The following RGS6 variants were observed in gnomAD, a reference collection of about 807,000 sequenced individuals.
The protein encoded by RGS6 is regulator of G-protein signaling 6.
Under a neutral mutation model 78.5 loss-of-function variants are expected in RGS6, and 30 were observed. The observed-to-expected ratio is 0.38, with a 90% CI of 0.29 to 0.52. RGS6 has a LOEUF of 0.52. Ranked by LOEUF, RGS6 falls within the 20% of genes least tolerant of loss-of-function variation. The probability of loss-of-function intolerance (pLI) is 0.85; values close to 1 mark genes in which losing one functional copy is unlikely to be tolerated. For missense variants in RGS6, 495 were observed against 609.7 expected, an observed-to-expected ratio of 0.81 and a Z score of 1.98; for synonymous variants, 206 against 206.0, an observed-to-expected ratio of 1.00 and a Z score of 0.00.
intron 2 of RGS6, among the ~76,000 whole-genome samples, chr14:72,196,479 G>A (rs2040186240): frequency 6.6e-6 from 1 of 152,154 alleles, no homozygotes; most frequent in Non-Finnish European, 1.5e-5. Context: ...TGGGGACCTA[G>A]AATCACTGCT....
chr14:71,992,794 G>A (rs1372454378), intron 2 of RGS6, among the ~76,000 whole-genome samples: 1 of 152,162 alleles, frequency 6.6e-6, no homozygotes, highest in Non-Finnish European at 1.5e-5. Context: ...GCAGGGCTGT[G>A]TTTCTACACC....
At chr14:72,147,050 C>A (rs1365991381) in intron 2 of RGS6, among the ~76,000 whole-genome samples, 1 of 152,170 alleles carries the variant, frequency 6.6e-6, no homozygotes, top group African/African-American at 2.4e-5. Context: ...TCAGGATGGC[C>A]ATTACTGTCC....
the RGS6 span, among the ~76,000 whole-genome samples, chr14:71,874,772 T>C: frequency 6.6e-6 from 1 of 152,214 alleles, no homozygotes; most frequent in East Asian, 1.9e-4. Flanking sequence ...TGATATTGGC[T>C]GTGGGTTTGT....
chr14:71,890,724 A>C, the RGS6 span, among the ~76,000 whole-genome samples: 1 of 152,302 alleles, frequency 6.6e-6, no homozygotes, highest in East Asian at 1.9e-4. Flanking sequence ...GCTGCTACCC[A>C]CACATCGCAT....
chr14:72,406,644 T>C (rs772983724), intron 3 of RGS6, among the ~76,000 whole-genome samples: 2 of 152,246 alleles, frequency 1.3e-5, no homozygotes, highest in Non-Finnish European at 2.9e-5. Context: ...GCTCCCTTTA[T>C]AGAGCTGGAG....
intron 10 of RGS6, 87 bp downstream of exon 10, chr14:72,474,786 A>G: frequency 9.5e-7 from 1 of 1,050,292 alleles, no homozygotes; most frequent in South Asian, 1.5e-5. Context: ...TGCTACTTGT[A>G]ATTCTACCAC....
chr14:72,229,472 C>A (rs1381141778), intron 2 of RGS6, among the ~76,000 whole-genome samples: 3 of 152,082 alleles, frequency 2.0e-5, no homozygotes, highest in Admixed American at 2.0e-4. Flanking sequence ...CTACATGTAC[C>A]CTCCATGTCC....
At chr14:72,382,955 G>A (rs1273272827) in intron 3 of RGS6, among the ~76,000 whole-genome samples, 1 of 151,870 alleles carries the variant, frequency 6.6e-6, no homozygotes, top group East Asian at 1.9e-4. Context: ...GGGGAAAGTA[G>A]ACAACAAGAA....
intron 2 of RGS6, chr14:72,022,535 C>T (rs1270757953): frequency 1.3e-5 from 2 of 152,110 alleles, no homozygotes; most frequent in African/African-American, 4.8e-5. Context: ...AATTATGATT[C>T]CCATTTTGCA....
Position 72,235,863 on chromosome 14 carries a change from G to A in RGS6, c.85-116232G>A, listed in dbSNP as rs534801237. 2.6e-5 allele frequency among the ~76,000 whole-genome samples: 4 copies of A among 152,322 alleles called. No homozygotes were observed. In the South Asian group the frequency reaches 8.3e-4, roughly 32 times the overall value. ...TAGAAATACATAAATTCTAGAAATT[G>A]TCTTGCATTTATTGTATTAGAAAGT... On this transcript the variant is annotated intron_variant, in intron 2 of 17. Coordinates refer to ENST00000553525, the MANE Select transcript of RGS6 (RefSeq NM_001204424.2).
intron 3 of RGS6, among the ~76,000 whole-genome samples, chr14:72,387,667 C>G (rs2088650918): frequency 6.6e-6 from 1 of 152,134 alleles, no homozygotes; most frequent in Non-Finnish European, 1.5e-5. Flanking sequence ...TATGACATCC[C>G]TTTCTATTCT....
intron 3 of RGS6, among the ~76,000 whole-genome samples, chr14:72,405,340 A>G (rs1400176408): frequency 6.6e-6 from 1 of 152,216 alleles, no homozygotes; most frequent in East Asian, 1.9e-4. Context: ...TTGCCTAGGC[A>G]GTCTCCTCTC....
chr14:72,489,176 C>T (rs1221507220), intron 12 of RGS6, among the ~76,000 whole-genome samples: 5 of 137,436 alleles, frequency 3.6e-5, no homozygotes, highest in Non-Finnish European at 6.1e-5. Flanking sequence ...CGGCTGTTTG[C>T]TCATCTCAGA....
the RGS6 span, among the ~76,000 whole-genome samples, chr14:72,597,391 A>G: frequency 3.3e-5 from 5 of 152,236 alleles, no homozygotes; most frequent in Non-Finnish European, 7.3e-5. Flanking sequence ...TCAGCCTAGT[A>G]GGGTGTAGTG....
chr14:72,049,776 T>G (rs1745690240), intron 2 of RGS6, among the ~76,000 whole-genome samples: 1 of 152,222 alleles, frequency 6.6e-6, no homozygotes, highest in Non-Finnish European at 1.5e-5. Context: ...AGCCTTCTGT[T>G]GACTCATCCC....
intron 2 of RGS6, chr14:72,022,417 T>A (rs2088847145): frequency 6.6e-6 from 1 of 152,128 alleles, no homozygotes; most frequent in Non-Finnish European, 1.5e-5. Flanking sequence ...TCAAGACTAG[T>A]CAAGTACACT....
chr14:71,966,281 T>C (rs2153056089), intron 2 of RGS6, among the ~76,000 whole-genome samples: 1 of 152,344 alleles, frequency 6.6e-6, no homozygotes, highest in East Asian at 1.9e-4. Flanking sequence ...ATTTTTCTCT[T>C]TTCCTTGTAA....
At chr14:72,331,760 G>A (rs1430572578) in intron 2 of RGS6, among the ~76,000 whole-genome samples, 1 of 152,126 alleles carries the variant, frequency 6.6e-6, no homozygotes, top group Non-Finnish European at 1.5e-5. Context: ...CACTCACCCT[G>A]CATGGAGGAG....
chr14:72,502,935 A>G (rs546771029), intron 13 of RGS6, among the ~76,000 whole-genome samples: 6 of 152,296 alleles, frequency 3.9e-5, no homozygotes, highest in South Asian at 2.1e-4. Context: ...GAATTGCCTT[A>G]TTTCGTAATT....
Sources: gnomAD v4.1 joint callset for allele counts (sites outside exome capture counted in the v4.1 genomes callset) on GRCh38, gnomAD v4.1.1 for gene constraint, MANE v1.5 for transcripts, NCBI Gene and HGNC (gene_info 2026-07-23, HGNC 2026-07-21) for gene names.